Variants in ARPC1A observed in about 807,000 individuals in gnomAD.
ARPC1A encodes the protein actin related protein 2/3 complex subunit 1A, also known as actin-related protein 2/3 complex subunit 1A.
Under a neutral mutation model 46.9 loss-of-function variants are expected in ARPC1A, and 8 were observed. The observed-to-expected ratio is 0.17, with a 90% CI of 0.10 to 0.31. The LOEUF is 0.31. ARPC1A is among the 10% of genes least tolerant of loss of function. The pLI is 1.00. For synonymous variants in ARPC1A, 152 were observed against 169.0 expected, an observed-to-expected ratio of 0.90 and a Z score of 0.78; for missense variants, 286 against 483.6, an observed-to-expected ratio of 0.59 and a Z score of 3.83.
intron 3 of ARPC1A, among the ~76,000 whole-genome samples, chr7:99,339,372 A>AC (rs897916462): frequency 4.6e-5 from 7 of 151,344 alleles, no homozygotes; most frequent in South Asian, 2.1e-4. Context: ...ACATAATGAG[A>AC]CCCCCCGTTA....
intron 4 of ARPC1A, among the ~76,000 whole-genome samples, chr7:99,344,920 C>CTTTTTTTTTTTTTTTTTTTTT (rs1172071932): frequency 5.0e-5 from 1 of 20,108 alleles, no homozygotes; most frequent in African/African-American, 2.2e-4. Flanking sequence ...TAACAATGTT[C>CTTTTTTTTTTTTTTTTTTTTT]TTTTTTTTTT....
At chr7:99,340,643 C>T (rs1793344258) in intron 3 of ARPC1A, among the ~76,000 whole-genome samples, 1 of 152,170 alleles carries the variant, frequency 6.6e-6, no homozygotes, top group Admixed American at 6.6e-5. Flanking sequence ...CCATGTCGCC[C>T]AGGCTGATTT....
At chr7:99,358,124 G>A (rs1280483682) in intron 6 of ARPC1A, among the ~76,000 whole-genome samples, 4 of 152,164 alleles carry the variant, frequency 2.6e-5, no homozygotes, top group African/African-American at 7.2e-5. Context: ...CCAGTTTGTC[G>A]TCAGTGGGCA....
chr7:99,363,764 T>G, intron 9 of ARPC1A, 131 bp downstream of exon 9: 1 of 646,306 alleles, frequency 1.5e-6, no homozygotes. Context: ...AGCCACCAAC[T>G]CCTTGCCTCC....
intron 2 of ARPC1A, 57 bp from the exon 3 acceptor site, chr7:99,338,124 C>T: frequency 1.5e-6 from 2 of 1,359,580 alleles, no homozygotes; most frequent in Non-Finnish European, 2.1e-6. Flanking sequence ...GACATGTCCC[C>T]TTTTTGGTGA....
chr7:99,344,688 C>T (rs1265221193), intron 4 of ARPC1A, among the ~76,000 whole-genome samples, 173 bp downstream of exon 4: 9 of 151,990 alleles, frequency 5.9e-5, no homozygotes, highest in East Asian at 3.9e-4. Context: ...TAAGTTAAAT[C>T]GCACGTTTTT....
chr7:99,335,960 GAAA>G (rs56148288), intron 2 of ARPC1A, among the ~76,000 whole-genome samples: 1 of 128,744 alleles, frequency 7.8e-6, no homozygotes. Context: ...TCTCAAAAAA[GAAA>G]AAAAAAAAAG....
At chr7:99,326,132 G>A (rs552227103) in intron 1 of ARPC1A, 128 bp downstream of exon 1, 26 of 152,306 alleles carry the variant, frequency 1.7e-4, no homozygotes, top group African/African-American at 6.0e-4. Context: ...GGCGCGGCCG[G>A]GTCTCCCTGC....
chr7:99,355,088 TG>T (rs1467877882), intron 6 of ARPC1A, among the ~76,000 whole-genome samples: 1 of 141,198 alleles, frequency 7.1e-6, no homozygotes, highest in Non-Finnish European at 1.5e-5. Flanking sequence ...TACTCCAGCC[TG>T]GGCAACAAAT....
At chr7:99,355,478 C>G (rs1217683753) in intron 6 of ARPC1A, among the ~76,000 whole-genome samples, 2 of 152,160 alleles carry the variant, frequency 1.3e-5, no homozygotes, top group Non-Finnish European at 2.9e-5. Flanking sequence ...GGCACAGTGG[C>G]TCACACCTAT....
chr7:99,334,374 AT>A (rs964762952), intron 2 of ARPC1A, among the ~76,000 whole-genome samples: 16 of 151,974 alleles, frequency 1.1e-4, no homozygotes, highest in African/African-American at 3.1e-4. Context: ...AAAAAAAAAA[AT>A]AATAACAATA....
At chr7:99,351,836 GCC>G (rs1793546798) in intron 5 of ARPC1A, among the ~76,000 whole-genome samples, 1 of 152,182 alleles carries the variant, frequency 6.6e-6, no homozygotes, top group South Asian at 2.1e-4. Context: ...GGGCGAAAGG[GCC>G]CTAAAGGGTA....
intron 6 of ARPC1A, among the ~76,000 whole-genome samples, chr7:99,357,538 C>T (rs1297209462): frequency 1.3e-5 from 2 of 151,280 alleles, no homozygotes; most frequent in Non-Finnish European, 1.5e-5. Context: ...CTATGTTGTC[C>T]AGGCTGATCT....
chr7:99,365,691 C>G (rs1380853960), intron 9 of ARPC1A, among the ~76,000 whole-genome samples, 200 bp from the exon 10 acceptor site: 2 of 151,626 alleles, frequency 1.3e-5, no homozygotes, highest in African/African-American at 4.8e-5. Flanking sequence ...GCACACCTGG[C>G]CTGGAGGAGC....
chr7:99,340,792 T>C (rs1309146140), intron 3 of ARPC1A, among the ~76,000 whole-genome samples: 4 of 152,226 alleles, frequency 2.6e-5, no homozygotes, highest in African/African-American at 9.6e-5. Context: ...TCCTGCATTC[T>C]TCAGCAATAA....
At chr7:99,339,799 C>T (rs1793328458) in intron 3 of ARPC1A, 3 of 279,410 alleles carry the variant, frequency 1.1e-5, no homozygotes, top group South Asian at 6.7e-5. Context: ...AATAGGCATC[C>T]CTTGATTTCT....
At chr7:99,344,812 A>G (rs1793415241) in intron 4 of ARPC1A, among the ~76,000 whole-genome samples, 1 of 142,646 alleles carries the variant, frequency 7.0e-6, no homozygotes, top group East Asian at 2.0e-4. Flanking sequence ...TCTTACTCTC[A>G]TTTACAAATA....
intron 3 of ARPC1A, among the ~76,000 whole-genome samples, chr7:99,340,775 G>T (rs1793345382): frequency 6.6e-6 from 1 of 152,138 alleles, no homozygotes; most frequent in African/African-American, 2.4e-5. Context: ...ATCCTTTACA[G>T]AAGTTGTCCT....
chr7:99,354,405 C>T (rs1406127799), intron 6 of ARPC1A, among the ~76,000 whole-genome samples: 2 of 150,400 alleles, frequency 1.3e-5, no homozygotes, highest in Non-Finnish European at 3.0e-5. Flanking sequence ...GCCTGTACTC[C>T]CAGCTACTCG....
Sources: allele counts gnomAD v4.1 joint callset (sites outside exome capture counted in the v4.1 genomes callset), GRCh38; gene constraint gnomAD v4.1.1; transcripts MANE v1.5; gene names NCBI Gene and HGNC (gene_info 2026-07-23, HGNC 2026-07-21).